The following DLGAP2 variants were observed in gnomAD, a reference collection of about 807,000 sequenced individuals.
DLGAP2 encodes the protein disks large-associated protein 2.
Under a neutral mutation model 100.3 loss-of-function variants are expected in DLGAP2, and 26 were observed. The observed-to-expected ratio is 0.26, with a 90% confidence interval of 0.19 to 0.36. The LOEUF is 0.36. DLGAP2 is among the 10% of genes least tolerant of loss of function. The probability of loss-of-function intolerance (pLI) is 1.00; values close to 1 mark genes in which losing one functional copy is unlikely to be tolerated. For missense variants in DLGAP2, 1,858 were observed against 1,453.2 expected (o/e 1.28, Z -4.53); for synonymous variants, 886 against 630.1 (o/e 1.41, Z -6.08).
At chr8:1,290,019 A>G (rs1403174196) in intron 3 of DLGAP2, among the ~76,000 whole-genome samples, 1 of 152,224 alleles carries the variant, frequency 6.6e-6, no homozygotes, top group Non-Finnish European at 1.5e-5. Context: ...TCTATGCACC[A>G]AGAAGAAAAC....
intron 2 of DLGAP2, among the ~76,000 whole-genome samples, chr8:1,253,783 G>A (rs938078213): frequency 4.6e-5 from 7 of 152,350 alleles, no homozygotes; most frequent in African/African-American, 7.2e-5. Flanking sequence ...TGAATCCACA[G>A]TGTATCCAGG....
intron 3 of DLGAP2, among the ~76,000 whole-genome samples, chr8:1,287,692 TCA>T (rs1799970954): frequency 5.0e-5 from 5 of 99,348 alleles, no homozygotes; most frequent in Non-Finnish European, 5.7e-5. Flanking sequence ...TAGTTTCGGT[TCA>T]GTGTGTGTGT....
At chr8:1,434,548 C>CT (rs1797560989) in intron 3 of DLGAP2, among the ~76,000 whole-genome samples, 1 of 152,114 alleles carries the variant, frequency 6.6e-6, no homozygotes, top group African/African-American at 2.4e-5. Flanking sequence ...ACAATCTTGG[C>CT]TCACTGCAGG....
chr8:1,265,793 A>G (rs1275560445), intron 3 of DLGAP2, among the ~76,000 whole-genome samples: 1 of 152,246 alleles, frequency 6.6e-6, no homozygotes, highest in Non-Finnish European at 1.5e-5. Context: ...AATTTCTGAG[A>G]CAATAAAGAG....
At chr8:974,497 G>T (rs778094277) in intron 2 of DLGAP2, among the ~76,000 whole-genome samples, 5 of 152,086 alleles carry the variant, frequency 3.3e-5, no homozygotes, top group Admixed American at 1.3e-4. Context: ...TATATTCTGG[G>T]CTATAAAACA....
At chr8:1,256,828 C>G (rs761138340) in intron 2 of DLGAP2, among the ~76,000 whole-genome samples, 2 of 152,100 alleles carry the variant, frequency 1.3e-5, no homozygotes, top group African/African-American at 2.4e-5. Flanking sequence ...TGGGATGGCC[C>G]GAGTCTGAGC....
At chr8:956,253 C>G (rs1194319958) in intron 2 of DLGAP2, among the ~76,000 whole-genome samples, 2 of 152,240 alleles carry the variant, frequency 1.3e-5, no homozygotes, top group African/African-American at 2.4e-5. Context: ...TGCACAGCGT[C>G]TGAAGACTTG....
At chr8:1,226,905 C>T (rs1419492666) in intron 2 of DLGAP2, among the ~76,000 whole-genome samples, 1 of 151,806 alleles carries the variant, frequency 6.6e-6, no homozygotes, top group African/African-American at 2.4e-5. Context: ...CCCCACACTT[C>T]AGCAGGAAAG....
At position 1,548,646 on chromosome 8, in the gene DLGAP2, C is replaced by T. The variant is rs761062332; in HGVS notation, c.193C>T (p.Pro65Ser). The change falls in exon 5 of 15, where the codon CCC becomes TCC. Residue 65 changes from proline to serine, a missense_variant. Physicochemically the swap from Pro to Ser is moderately conservative, Grantham distance 74 (BLOSUM62 -1). Transcript: ENST00000637795. The part of the protein sequence containing the change: ...EDLDPQYSWS[P>S]TQHFNEERYS... ...CACAGACCCGCAGTACTCATGGTCG[C>T]CCACGCAGCACTTCAATGAGGAGCG... The T allele has an allele frequency of 1.9e-6, 3 of 1,560,434 alleles. No individual in the cohort carries two copies. Among genetic ancestry groups the T allele is most frequent in the Non-Finnish European group, 2.6e-6 (3 of 1,154,366 alleles).
At chr8:1,312,304 G>T (rs371310262) in intron 3 of DLGAP2, among the ~76,000 whole-genome samples, 2 of 152,172 alleles carry the variant, frequency 1.3e-5, no homozygotes, top group Non-Finnish European at 2.9e-5. Context: ...AGACCGCACC[G>T]AAGGCACCTA....
intron 2 of DLGAP2, among the ~76,000 whole-genome samples, chr8:1,241,282 T>C (rs1182724276): frequency 1.3e-5 from 2 of 151,686 alleles, no homozygotes; most frequent in Admixed American, 6.6e-5. Flanking sequence ...TGGCTCCGTG[T>C]CTCATTCTCT....
chr8:1,064,777 C>A (rs1803193959), intron 2 of DLGAP2, among the ~76,000 whole-genome samples: 1 of 152,160 alleles, frequency 6.6e-6, no homozygotes, highest in Non-Finnish European at 1.5e-5. Context: ...TCCTTTTATC[C>A]TGCTGCATGC....
intron 2 of DLGAP2, among the ~76,000 whole-genome samples, chr8:1,185,702 C>G (rs1054676332): frequency 1.4e-4 from 16 of 114,182 alleles, no homozygotes; most frequent in African/African-American, 5.8e-4. Context: ...AACACACACA[C>G]TCACACTCAC....
Position 1,668,323 on chromosome 8 carries a change from T to C in DLGAP2, c.1811-6T>C, listed in dbSNP as rs374049807. 3.3e-5 allele frequency: 49 copies of C among 1,477,150 alleles called. No individual in the cohort carries two copies. The highest frequency in any genetic ancestry group is 5.2e-5 in the Admixed American group (2 of 38,334). 91.5% of individuals were successfully genotyped at this position (1,477,150 alleles called of 1,614,324 possible). A position where few individuals can be genotyped will look rare whatever the true frequency, so the allele number is the denominator to read the frequency against. The stretch of plus-strand genomic sequence containing the variant: ...CCTGTTGACTTGGGACTTTCTTTTC[T>C]TACAGCTGTCTCATATACAAATTAC... On this transcript the variant is annotated splice_polypyrimidine_tract_variant and splice_region_variant and intron_variant, in intron 8 of 14. Coordinates refer to ENST00000637795, the MANE Select transcript of DLGAP2 (RefSeq NM_001346810.2).
intron 2 of DLGAP2, among the ~76,000 whole-genome samples, chr8:1,028,812 G>A (rs1246571440): frequency 6.6e-6 from 1 of 152,242 alleles, no homozygotes; most frequent in Non-Finnish European, 1.5e-5. Flanking sequence ...GATCAGAGTT[G>A]CATTTTCAGA....
intron 3 of DLGAP2, among the ~76,000 whole-genome samples, chr8:1,317,939 A>G: frequency 1.3e-5 from 1 of 78,100 alleles, no homozygotes; most frequent in African/African-American, 6.6e-5. Context: ...AGCGTTTAAA[A>G]ATAGAGCGTG....
intron 1 of DLGAP2, among the ~76,000 whole-genome samples, chr8:760,664 T>A (rs1436695198): frequency 6.6e-6 from 1 of 152,178 alleles, no homozygotes; most frequent in Admixed American, 6.5e-5. Flanking sequence ...CATGGCATAG[T>A]TTCTTCTCTT....
intron 6 of DLGAP2, among the ~76,000 whole-genome samples, chr8:1,572,532 ACT>A (rs2130607328): frequency 8.9e-6 from 1 of 111,840 alleles, no homozygotes; most frequent in African/African-American, 3.6e-5. Flanking sequence ...GAGAGGGTGA[ACT>A]GTGGGGGCGT....
chr8:1,429,874 A>G (rs577389662), intron 3 of DLGAP2, among the ~76,000 whole-genome samples: 41 of 150,628 alleles, frequency 2.7e-4, no homozygotes, highest in African/African-American at 9.8e-4. Context: ...CTGGCCATTC[A>G]TTGTGGAGTC....
Sources: allele counts gnomAD v4.1 joint callset (sites outside exome capture counted in the v4.1 genomes callset), GRCh38; gene constraint gnomAD v4.1.1; transcripts MANE v1.5; gene names NCBI Gene and HGNC (gene_info 2026-07-23, HGNC 2026-07-21).